MSRA: variants seen among roughly 807,000 people sequenced by gnomAD.
MSRA encodes methionine sulfoxide reductase A.
In MSRA, 54 loss-of-function variants were observed where a neutral mutation model predicts 31.3. That is an observed-to-expected ratio of 1.73 (90% CI 1.39 to 2.17). The LOEUF is 2.17. Among genes scored for constraint, MSRA ranks in the 30% most tolerant of loss-of-function variants. The probability of loss-of-function intolerance (pLI) is 0.00; values close to 1 mark genes in which losing one functional copy is unlikely to be tolerated. For missense variants in MSRA, 507 were observed against 300.9 expected, an observed-to-expected ratio of 1.69 and a Z score of -5.07; for synonymous variants, 169 against 116.5, an observed-to-expected ratio of 1.45 and a Z score of -2.90.
At chr8:10,317,847 A>C (rs139479497) in intron 4 of MSRA, among the ~76,000 whole-genome samples, 1 of 152,014 alleles carries the variant, frequency 6.6e-6, no homozygotes, top group Non-Finnish European at 1.5e-5. Flanking sequence ...GATTATGCTC[A>C]CTCAGGGTTC....
intron 1 of MSRA, among the ~76,000 whole-genome samples, chr8:10,116,239 C>A (rs1289788503): frequency 6.6e-6 from 1 of 152,164 alleles, no homozygotes; most frequent in African/African-American, 2.4e-5. Context: ...TATTCATAAA[C>A]TTTTTTAAAA....
chr8:10,226,972 T>C (rs954529348), intron 2 of MSRA, among the ~76,000 whole-genome samples: 1 of 151,684 alleles, frequency 6.6e-6, no homozygotes, highest in African/African-American at 2.4e-5. Context: ...ACTGTGCTGG[T>C]CCAGGGAGCT....
chr8:10,136,959 G>A (rs1056802939), intron 1 of MSRA, among the ~76,000 whole-genome samples: 2 of 152,166 alleles, frequency 1.3e-5, no homozygotes, highest in African/African-American at 2.4e-5. Context: ...AGTCATTGTC[G>A]TCATGGGCCC....
chr8:10,330,552 C>T (rs1802636463), intron 5 of MSRA, among the ~76,000 whole-genome samples: 1 of 152,174 alleles, frequency 6.6e-6, no homozygotes, highest in Non-Finnish European at 1.5e-5. Flanking sequence ...GCCAGACTTG[C>T]ATTACAGTTG....
At chr8:10,219,367 T>G (rs1367981352) in intron 2 of MSRA, among the ~76,000 whole-genome samples, 1 of 152,202 alleles carries the variant, frequency 6.6e-6, no homozygotes, top group African/African-American at 2.4e-5. Flanking sequence ...GCCAAATTTT[T>G]GGGGATTCAA....
chr8:10,074,058 CTTTTTTTTTTTTTTTTTTTTTTT>C (rs534642712), intron 1 of MSRA, among the ~76,000 whole-genome samples: 6 of 29,430 alleles, frequency 2.0e-4, no homozygotes, highest in South Asian at 1.7e-3. Context: ...AAGGGAGGTG[CTTTTTTTTTTTTTTTTTTTTTTT>C]TTTTTTTTTT....
In MSRA at chr8:10,338,434, G is replaced by T. The variant is rs191190178; in HGVS notation, c.543+18445G>T. Among the ~76,000 whole-genome samples, 18 of 152,182 alleles carry T rather than the reference G, an allele frequency of 1.2e-4. No homozygotes were observed. The East Asian group carries it at 3.5e-3, about 29-fold the overall frequency. On this transcript the variant is annotated intron_variant, in intron 5 of 5. Coordinates refer to ENST00000317173, the MANE Select transcript of MSRA (RefSeq NM_012331.5). ...GGGTTTGAGATCTGTTGCACAGCAG[G>T]GTGACTGTAGTCAATAATGTAGTGT...
intron 1 of MSRA, among the ~76,000 whole-genome samples, chr8:10,147,130 C>T (rs771206962): frequency 5.3e-5 from 8 of 152,120 alleles, no homozygotes; most frequent in Non-Finnish European, 1.0e-4. Flanking sequence ...CAGCAGGGCC[C>T]GGTGCTGTCT....
chr8:10,184,908 G>C (rs952587162), intron 1 of MSRA, among the ~76,000 whole-genome samples: 7 of 152,194 alleles, frequency 4.6e-5, no homozygotes, highest in African/African-American at 1.7e-4. Flanking sequence ...TGAAAGGAAA[G>C]AAATCAAGGG....
intron 1 of MSRA, among the ~76,000 whole-genome samples, chr8:10,102,222 C>A (rs571407977): frequency 6.6e-6 from 1 of 152,158 alleles, no homozygotes. Context: ...TTGAATACTT[C>A]CCCAGGTGTG....
chr8:10,354,526 A>G (rs1309494592), intron 5 of MSRA, among the ~76,000 whole-genome samples: 1 of 152,214 alleles, frequency 6.6e-6, no homozygotes, highest in Non-Finnish European at 1.5e-5. Context: ...ATTTTAAAAC[A>G]TTTTGGTATG....
At chr8:10,334,848 G>A (rs1002704182) in intron 5 of MSRA, among the ~76,000 whole-genome samples, 3 of 152,216 alleles carry the variant, frequency 2.0e-5, no homozygotes, top group Admixed American at 2.0e-4. Flanking sequence ...ACTCCAGCGC[G>A]CCACCCCTCC....
At chr8:10,077,578 C>G (rs935259067) in intron 1 of MSRA, among the ~76,000 whole-genome samples, 1 of 147,572 alleles carries the variant, frequency 6.8e-6, no homozygotes, top group African/African-American at 2.5e-5. Context: ...CCTCCTGAGT[C>G]TCTCTGAGTG....
chr8:10,383,284 G>T (rs147480761), intron 5 of MSRA, among the ~76,000 whole-genome samples: 341 of 152,334 alleles, frequency 2.2e-3, no homozygotes, highest in African/African-American at 7.6e-3. Flanking sequence ...CTTTGCCAAA[G>T]CATCTGAATG....
chr8:10,411,815 C>G (rs1808175521), intron 5 of MSRA, among the ~76,000 whole-genome samples: 1 of 152,212 alleles, frequency 6.6e-6, no homozygotes, highest in South Asian at 2.1e-4. Context: ...AGTTAATTTT[C>G]TCTGTGTTCA....
At chr8:10,209,881 T>G (rs1356589503) in intron 2 of MSRA, among the ~76,000 whole-genome samples, 1 of 152,240 alleles carries the variant, frequency 6.6e-6, no homozygotes, top group Non-Finnish European at 1.5e-5. Context: ...AGAAGCAGAA[T>G]TCTACAGATG....
chr8:10,077,410 T>G (rs1798045595), intron 1 of MSRA, among the ~76,000 whole-genome samples: 1 of 152,024 alleles, frequency 6.6e-6, no homozygotes, highest in Non-Finnish European at 1.5e-5. Flanking sequence ...TGGGAAGATG[T>G]TGAAGAAAAT....
intron 3 of MSRA, among the ~76,000 whole-genome samples, chr8:10,287,872 G>A (rs1042189243): frequency 2.0e-5 from 3 of 152,084 alleles, no homozygotes; most frequent in African/African-American, 7.2e-5. Context: ...TGAACTCTGA[G>A]ACTACCCTTC....
rs571712312 is a variant in MSRA at position 10,241,660 on chromosome 8, C to T, written c.212-3444C>T. 2.6e-5 allele frequency among the ~76,000 whole-genome samples: 4 copies of T among 152,244 alleles called. No homozygotes were observed. In the East Asian group the frequency reaches 5.8e-4, roughly 22 times the overall value. On this transcript the variant is annotated intron_variant, in intron 2 of 5. Transcript: ENST00000317173. The stretch of plus-strand genomic sequence containing the variant: ...TTTTGCAACTCTCCAGGAATTAATA[C>T]ATCTAGGCATTGAGCACCCATCAAT...
Sources: gnomAD v4.1 joint callset for allele counts (sites outside exome capture counted in the v4.1 genomes callset) on GRCh38, gnomAD v4.1.1 for gene constraint, MANE v1.5 for transcripts, NCBI Gene and HGNC (gene_info 2026-07-23, HGNC 2026-07-21) for gene names.